ZMAT4: variants seen among roughly 807,000 people sequenced by gnomAD.
ZMAT4 encodes zinc finger matrin-type 4.
ZMAT4 carries 17 observed loss-of-function variants against 28.7 expected under a neutral mutation model. The ratio of observed to expected loss-of-function variants is 0.59; its 90% CI spans 0.41 to 0.89. ZMAT4 has a LOEUF of 0.89. Ranked by LOEUF, ZMAT4 falls within the 40% of genes least tolerant of loss-of-function variation. The probability of loss-of-function intolerance (pLI) is 0.00; values close to 1 mark genes in which losing one functional copy is unlikely to be tolerated. For synonymous variants in ZMAT4, 117 were observed against 109.2 expected (o/e 1.07, Z -0.44); for missense variants, 240 against 283.8 (o/e 0.85, Z 1.11).
chr8:40,859,275 A>T (rs780928328), intron 1 of ZMAT4, among the ~76,000 whole-genome samples: 1 of 152,074 alleles, frequency 6.6e-6, no homozygotes, highest in Non-Finnish European at 1.5e-5. Context: ...TGCTGTCCCC[A>T]CCCTTGTCAG....
intron 6 of ZMAT4, among the ~76,000 whole-genome samples, chr8:40,536,540 C>T (rs886302114): frequency 3.9e-5 from 6 of 152,142 alleles, no homozygotes; most frequent in Non-Finnish European, 7.3e-5. Flanking sequence ...TTATTCCTTG[C>T]GATTACTCCA....
intron 5 of ZMAT4, among the ~76,000 whole-genome samples, chr8:40,585,412 A>C (rs1171762326): frequency 6.6e-6 from 1 of 152,120 alleles, no homozygotes; most frequent in African/African-American, 2.4e-5. Context: ...ATTCCCAGGC[A>C]AAACTTCGGG....
chr8:40,538,019 T>A (rs1209342706), intron 6 of ZMAT4, among the ~76,000 whole-genome samples: 2 of 152,216 alleles, frequency 1.3e-5, no homozygotes, highest in Admixed American at 6.5e-5. Flanking sequence ...AGAATGGACT[T>A]CCTGCTCAGC....
At chr8:40,873,120 C>G (rs566564098) in intron 1 of ZMAT4, among the ~76,000 whole-genome samples, 2 of 152,174 alleles carry the variant, frequency 1.3e-5, no homozygotes, top group African/African-American at 4.8e-5. Context: ...GGGGCAACTG[C>G]AGCTTTGAGG....
chr8:40,535,183 C>T (rs1025421499), intron 6 of ZMAT4, among the ~76,000 whole-genome samples: 11 of 152,100 alleles, frequency 7.2e-5, no homozygotes, highest in East Asian at 1.9e-4. Context: ...CTGGGCCACA[C>T]GGGGCATGTG....
At chr8:40,850,377 A>G (rs1817058465) in intron 1 of ZMAT4, among the ~76,000 whole-genome samples, 2 of 151,972 alleles carry the variant, frequency 1.3e-5, no homozygotes, top group Admixed American at 1.3e-4. Context: ...GAATGTCCCT[A>G]CAGCGAGCCC....
chr8:40,578,211 C>A (rs1051915493), intron 6 of ZMAT4, among the ~76,000 whole-genome samples: 12 of 152,122 alleles, frequency 7.9e-5, no homozygotes, highest in African/African-American at 2.9e-4. Flanking sequence ...TAGAGACAGA[C>A]ACACACGTAC....
intron 5 of ZMAT4, among the ~76,000 whole-genome samples, chr8:40,601,378 A>G (rs150946141): frequency 2.2e-4 from 32 of 146,518 alleles, no homozygotes; most frequent in African/African-American, 7.3e-4. Flanking sequence ...CTGATAGCCA[A>G]AAGAAGGAAG....
Position 40,549,705 on chromosome 8 carries a change from T to A in ZMAT4, c.675-17467A>T, listed in dbSNP as rs182666775. ...TTCCAACTCATCTCCCTGCTTCTTA[T>A]CACATCTTCTAATATGTCCACTAAC... On this transcript the variant is annotated intron_variant, in intron 6 of 6. Coordinates refer to ENST00000297737, the MANE Select transcript of ZMAT4 (RefSeq NM_024645.3). Among the ~76,000 whole-genome samples, 291 of 152,258 alleles carry A rather than the reference T, an allele frequency of 1.9e-3. 3 individuals carry two copies. Among genetic ancestry groups the A allele is most frequent in the African/African-American group, 6.5e-3 (272 of 41,544 alleles).
intron 6 of ZMAT4, among the ~76,000 whole-genome samples, chr8:40,555,266 C>A (rs538266155): frequency 6.6e-6 from 1 of 152,220 alleles, no homozygotes; most frequent in South Asian, 2.1e-4. Context: ...CGAATACTGC[C>A]ACAATAAACA....
intron 2 of ZMAT4, among the ~76,000 whole-genome samples, chr8:40,795,995 G>A (rs1814579733): frequency 6.6e-6 from 1 of 152,184 alleles, no homozygotes; most frequent in African/African-American, 2.4e-5. Flanking sequence ...CTCACTCAGA[G>A]TCTTCAATAG....
chr8:40,645,113 A>T (rs1038928458), intron 5 of ZMAT4, among the ~76,000 whole-genome samples: 1 of 152,182 alleles, frequency 6.6e-6, no homozygotes, highest in Non-Finnish European at 1.5e-5. Flanking sequence ...TAAACTATGG[A>T]CTTTAGTTAA....
intron 5 of ZMAT4, among the ~76,000 whole-genome samples, chr8:40,588,340 G>T (rs937794686): frequency 2.0e-5 from 3 of 151,934 alleles, no homozygotes; most frequent in African/African-American, 7.2e-5. Context: ...AAAAAGATAA[G>T]ACAGTGCTGG....
chr8:40,777,244 C>G (rs1299062126), intron 2 of ZMAT4, among the ~76,000 whole-genome samples: 1 of 151,938 alleles, frequency 6.6e-6, no homozygotes, highest in Non-Finnish European at 1.5e-5. Flanking sequence ...CAAAAATAAA[C>G]AAATTTTTAA....
intron 2 of ZMAT4, among the ~76,000 whole-genome samples, chr8:40,797,498 C>T (rs1814648112): frequency 6.6e-6 from 1 of 152,164 alleles, no homozygotes; most frequent in South Asian, 2.1e-4. Context: ...TGTCCTTTAA[C>T]CTCAGACAGT....
At chr8:40,784,168 T>C (rs781593685) in intron 2 of ZMAT4, among the ~76,000 whole-genome samples, 10 of 152,212 alleles carry the variant, frequency 6.6e-5, no homozygotes, top group Non-Finnish European at 1.0e-4. Context: ...TAAATGTTGA[T>C]GCCAAAACCC....
intron 2 of ZMAT4, among the ~76,000 whole-genome samples, chr8:40,770,694 C>G (rs1476372800): frequency 6.6e-6 from 1 of 152,128 alleles, no homozygotes; most frequent in South Asian, 2.1e-4. Flanking sequence ...ATTATAGGAG[C>G]GTGCCACCAC....
chr8:40,854,242 C>T (rs922436090), intron 1 of ZMAT4, among the ~76,000 whole-genome samples: 5 of 152,144 alleles, frequency 3.3e-5, no homozygotes, highest in Admixed American at 2.0e-4. Flanking sequence ...GAGTGGTCTA[C>T]GGACCTTATG....
intron 3 of ZMAT4, among the ~76,000 whole-genome samples, chr8:40,719,182 C>G (rs1224709224): frequency 6.6e-6 from 1 of 152,064 alleles, no homozygotes; most frequent in Non-Finnish European, 1.5e-5. Flanking sequence ...TGACTCATAC[C>G]TGTAACCCCA....
Sources: gnomAD v4.1 joint callset for allele counts (sites outside exome capture counted in the v4.1 genomes callset) on GRCh38, gnomAD v4.1.1 for gene constraint, MANE v1.5 for transcripts, NCBI Gene and HGNC (gene_info 2026-07-23, HGNC 2026-07-21) for gene names.